CDK14: variants seen among roughly 807,000 people sequenced by gnomAD.
The protein encoded by CDK14 is cyclin-dependent kinase 14.
CDK14 carries 34 observed loss-of-function variants against 60.7 expected under a neutral mutation model. The observed-to-expected ratio is 0.56, with a 90% CI of 0.43 to 0.75. CDK14 has a LOEUF of 0.75. Among genes scored for constraint, CDK14 ranks in the 30% least tolerant of loss-of-function variants. The pLI is 0.00. For synonymous variants in CDK14, 197 were observed against 203.7 expected (o/e 0.97, Z 0.28); for missense variants, 482 against 564.1 (o/e 0.85, Z 1.47).
At chr7:90,912,552 A>G (rs1271740654) in intron 7 of CDK14, among the ~76,000 whole-genome samples, 2 of 152,200 alleles carry the variant, frequency 1.3e-5, no homozygotes. Context: ...AAGGAAAAAT[A>G]CAGGATGGTA....
At chr7:91,144,992 G>A (rs117460429) in intron 14 of CDK14, among the ~76,000 whole-genome samples, 89 of 152,208 alleles carry the variant, frequency 5.8e-4, no homozygotes, top group Non-Finnish European at 1.1e-3. Context: ...CAGATGGATC[G>A]CACTACTTTC....
chr7:90,678,957 AT>A (rs1801258370), intron 2 of CDK14, among the ~76,000 whole-genome samples: 1 of 152,086 alleles, frequency 6.6e-6, no homozygotes, highest in African/African-American at 2.4e-5. Flanking sequence ...GTTTTGTTTT[AT>A]TTTCATTTTG....
chr7:90,760,136 AC>A (rs1430986660), intron 4 of CDK14, among the ~76,000 whole-genome samples: 2 of 152,046 alleles, frequency 1.3e-5, no homozygotes, highest in Non-Finnish European at 1.5e-5. Context: ...AAATTGAGAG[AC>A]TACACCAAAC....
intron 2 of CDK14, among the ~76,000 whole-genome samples, chr7:90,688,820 C>CA (rs1801495631): frequency 6.6e-6 from 1 of 152,120 alleles, no homozygotes; most frequent in Non-Finnish European, 1.5e-5. Flanking sequence ...TATGTAGAAA[C>CA]AATATTTACA....
intron 5 of CDK14, among the ~76,000 whole-genome samples, chr7:90,854,632 G>A (rs1790760282): frequency 6.6e-6 from 1 of 151,148 alleles, no homozygotes; most frequent in African/African-American, 2.4e-5. Flanking sequence ...AACATAAGGG[G>A]CTTGGTGCGA....
intron 3 of CDK14, among the ~76,000 whole-genome samples, chr7:90,744,417 T>C (rs6946869): frequency 0.65 from 99,064 of 151,934 alleles, 32,770 homozygotes; most frequent in East Asian, 0.96. Flanking sequence ...CTTCTCTCTA[T>C]ACAGACACGG....
chr7:91,005,788 T>C (rs568937917), intron 10 of CDK14, among the ~76,000 whole-genome samples: 1 of 152,348 alleles, frequency 6.6e-6, no homozygotes, highest in South Asian at 2.1e-4. Context: ...TGACACAGAA[T>C]TGGCATCTCT....
intron 8 of CDK14, among the ~76,000 whole-genome samples, chr7:90,942,445 A>G (rs1461620436): frequency 6.6e-6 from 1 of 152,216 alleles, no homozygotes; most frequent in Non-Finnish European, 1.5e-5. Context: ...ATAAGGAGAA[A>G]TGACTTTTGG....
At chr7:91,044,895 T>C (rs535033069) in intron 10 of CDK14, among the ~76,000 whole-genome samples, 2 of 152,334 alleles carry the variant, frequency 1.3e-5, no homozygotes, top group Admixed American at 1.3e-4. Context: ...CCCAGTTTTC[T>C]GCGGGTTCTT....
chr7:90,781,375 A>G (rs995394235), intron 4 of CDK14, among the ~76,000 whole-genome samples: 3 of 151,500 alleles, frequency 2.0e-5, no homozygotes, highest in Admixed American at 2.0e-4. Context: ...TTGCCTGTTC[A>G]CTCTGATGGT....
chr7:90,643,142 C>A (rs1022517813), intron 2 of CDK14, among the ~76,000 whole-genome samples: 1 of 152,176 alleles, frequency 6.6e-6, no homozygotes, highest in Non-Finnish European at 1.5e-5. Flanking sequence ...GATGAGCAGA[C>A]CTTTGCCTGG....
chr7:90,934,974 A>G (rs571215229), intron 8 of CDK14, among the ~76,000 whole-genome samples: 1 of 152,258 alleles, frequency 6.6e-6, no homozygotes, highest in Non-Finnish European at 1.5e-5. Context: ...ACAGGATAGT[A>G]CAGACTAGGT....
intron 13 of CDK14, among the ~76,000 whole-genome samples, chr7:91,115,067 G>A (rs1799567717): frequency 1.3e-5 from 2 of 152,192 alleles, no homozygotes; most frequent in Admixed American, 1.3e-4. Flanking sequence ...AGTAGCAGCA[G>A]CACCTGTAAT....
intron 2 of CDK14, among the ~76,000 whole-genome samples, chr7:90,613,672 G>A (rs1320747071): frequency 6.6e-6 from 1 of 151,854 alleles, no homozygotes; most frequent in Non-Finnish European, 1.5e-5. Flanking sequence ...GGGTGACAGA[G>A]CGAGACTCTG....
chr7:90,820,905 A>G (rs1368617586), intron 5 of CDK14, among the ~76,000 whole-genome samples: 1 of 152,198 alleles, frequency 6.6e-6, no homozygotes, highest in Non-Finnish European at 1.5e-5. Flanking sequence ...TCATTAACTG[A>G]AAGATATCAG....
intron 5 of CDK14, among the ~76,000 whole-genome samples, chr7:90,832,842 A>C (rs1789957403): frequency 1.3e-5 from 2 of 152,236 alleles, no homozygotes; most frequent in South Asian, 4.1e-4. Context: ...AGAGGAAGTC[A>C]CTCAGTGTAG....
intron 3 of CDK14, 147 bp from the exon 4 acceptor site, chr7:90,747,534 T>A (rs1803643307): frequency 5.2e-6 from 3 of 571,744 alleles, no homozygotes; most frequent in Non-Finnish European, 9.3e-6. Flanking sequence ...CTGTTTATTA[T>A]GTTGTTTTGA....
Position 90,782,761 on chromosome 7 carries a change from G to A in CDK14, c.465-7812G>A, listed in dbSNP as rs181809963. 1.5e-3 allele frequency among the ~76,000 whole-genome samples: 229 copies of A among 152,164 alleles called. 1 individual carries two copies. The highest frequency in any genetic ancestry group is 5.4e-3 in the African/African-American group (224 of 41,516). On this transcript the variant is annotated intron_variant, in intron 4 of 14. Transcript: ENST00000380050. ...GAGGAAGACCTAGTTTAGTCTTTGT[G>A]GATTCAGATCTTGAATCAGAGAGTA...
intron 2 of CDK14, among the ~76,000 whole-genome samples, chr7:90,655,431 G>A (rs1177518586): frequency 6.6e-6 from 1 of 152,088 alleles, no homozygotes; most frequent in African/African-American, 2.4e-5. Flanking sequence ...CTGGAAAAAT[G>A]TGATTTCTGA....
Sources: gnomAD v4.1 joint callset for allele counts (sites outside exome capture counted in the v4.1 genomes callset) on GRCh38, gnomAD v4.1.1 for gene constraint, MANE v1.5 for transcripts, NCBI Gene and HGNC (gene_info 2026-07-23, HGNC 2026-07-21) for gene names.